The following MACF1 variants were observed in gnomAD, a reference collection of about 807,000 sequenced individuals.
MACF1 encodes microtubule-actin cross-linking factor 1.
Under a neutral mutation model 854.8 loss-of-function variants are expected in MACF1, and 193 were observed. The observed-to-expected ratio is 0.23, with a 90% CI of 0.20 to 0.25. The LOEUF (loss-of-function observed/expected upper bound fraction) is 0.25, where lower values mean the gene tolerates loss of function less well. Ranked by LOEUF, MACF1 falls within the 10% of genes least tolerant of loss-of-function variation. The probability of loss-of-function intolerance (pLI) is 1.00; values close to 1 mark genes in which losing one functional copy is unlikely to be tolerated. For synonymous variants in MACF1, 3,185 were observed against 3,226.7 expected, an observed-to-expected ratio of 0.99 and a Z score of 0.44; for missense variants, 7,722 against 8,929.1, an observed-to-expected ratio of 0.86 and a Z score of 5.45.
At chr1:39,277,193 A>G (rs1278062279) in intron 6 of MACF1, among the ~76,000 whole-genome samples, 1 of 141,876 alleles carries the variant, frequency 7.0e-6, no homozygotes, top group Admixed American at 7.0e-5. Flanking sequence ...ATGTAACTGG[A>G]CTCTTGTGGT....
intron 2 of MACF1, among the ~76,000 whole-genome samples, chr1:39,172,322 T>A (rs1643961905): frequency 1.3e-5 from 2 of 152,226 alleles, no homozygotes; most frequent in African/African-American, 2.4e-5. Context: ...ATTATAGCAG[T>A]TGAAGATGAA....
intron 26 of MACF1, among the ~76,000 whole-genome samples, chr1:39,314,652 G>A (rs1474034987): frequency 6.7e-6 from 1 of 148,802 alleles, no homozygotes; most frequent in Non-Finnish European, 1.5e-5. Flanking sequence ...CCAACCCATA[G>A]CACAGGGATT....
At chr1:39,103,410 G>A (rs1251537161) in intron 2 of MACF1, 1 of 175,882 alleles carries the variant, frequency 5.7e-6, no homozygotes, top group African/African-American at 2.4e-5. Flanking sequence ...TTGTATGCGT[G>A]ATTTCTGTCT....
intron 2 of MACF1, among the ~76,000 whole-genome samples, chr1:39,147,203 C>G (rs367649403): frequency 6.7e-6 from 1 of 149,996 alleles, no homozygotes; most frequent in African/African-American, 2.5e-5. Flanking sequence ...CGTCTCTCCT[C>G]TCCTCACCTT....
chr1:39,329,940 CA>C (rs1646688542), intron 36 of MACF1, among the ~76,000 whole-genome samples: 1 of 152,184 alleles, frequency 6.6e-6, no homozygotes, highest in Non-Finnish European at 1.5e-5. Flanking sequence ...GGAGGACAAA[CA>C]AGATTTAGAA....
At chr1:39,289,629 C>T (rs2148394824) in intron 15 of MACF1, among the ~76,000 whole-genome samples, 1 of 144,538 alleles carries the variant, frequency 6.9e-6, no homozygotes, top group South Asian at 2.2e-4. Flanking sequence ...CTTATATATT[C>T]CAGTTATTAA....
In MACF1 at chr1:39,335,146, G is replaced by A. The variant is rs750037704; in HGVS notation, c.8558G>A (p.Arg2853His). 71 of 1,613,948 alleles carry A rather than the reference G, an allele frequency of 4.4e-5. No individual in the cohort carries two copies. In the South Asian group the frequency reaches 5.4e-4, roughly 12 times the overall value. ...AAGGAATTTGGGTGCAAGGATCAAC[G>A]TAAGCCAAGAATGTCTTCAGATGCT... ...SLKEFGCKDQ[R>H]KPRMSSDAKE... Residue 2853 changes from arginine to histidine, a missense_variant, in exon 37 of 101, where the codon CGT becomes CAT. Physicochemically the swap from Arg to His is conservative, Grantham distance 29. Transcript: ENST00000564288.
chr1:39,139,992 T>G (rs901704790), intron 2 of MACF1, among the ~76,000 whole-genome samples: 7 of 151,894 alleles, frequency 4.6e-5, no homozygotes, highest in Non-Finnish European at 7.4e-5. Flanking sequence ...TCTTGGCTGT[T>G]GCACAGGCTG....
At chr1:39,424,400 C>T (rs757086123) in intron 61 of MACF1, among the ~76,000 whole-genome samples, 31 of 152,034 alleles carry the variant, frequency 2.0e-4, no homozygotes, top group Non-Finnish European at 4.6e-4. Context: ...CATAAATTTC[C>T]GAGAGCTGGA....
chr1:39,413,673 A>G (rs1384070089), intron 58 of MACF1: 2 of 1,589,172 alleles, frequency 1.3e-6, no homozygotes, highest in Non-Finnish European at 1.7e-6. Context: ...CAGCTGCTGC[A>G]GTGCCCACCC....
intron 2 of MACF1, among the ~76,000 whole-genome samples, chr1:39,086,675 C>T (rs1170681757): frequency 1.3e-5 from 2 of 152,142 alleles, no homozygotes; most frequent in East Asian, 3.8e-4. Context: ...CTGAGGAGGC[C>T]CACGGGATGA....
chr1:39,321,885 T>C (rs948113392), intron 31 of MACF1, among the ~76,000 whole-genome samples: 1 of 152,170 alleles, frequency 6.6e-6, no homozygotes, highest in African/African-American at 2.4e-5. Flanking sequence ...GTGGTCATCT[T>C]TGGGTTTTAG....
At chr1:39,427,119 A>G (rs1643753900) in intron 61 of MACF1, among the ~76,000 whole-genome samples, 1 of 152,240 alleles carries the variant, frequency 6.6e-6, no homozygotes, top group African/African-American at 2.4e-5. Context: ...GGAGAACATT[A>G]GAAGATTTGA....
In MACF1 at chr1:39,205,109, G is replaced by A. The variant is rs1267781377; in HGVS notation, c.87G>A (p.Lys29=). The change falls in exon 1 of 101, where the codon AAG becomes AAA. Residue 29 remains lysine (K), a synonymous_variant. Transcript: ENST00000564288. The part of the protein sequence containing the change: ...VLGVAGVLYW[K]RHARGRADER... ...GAGTTGCTGGTGTTCTATACTGGAA[G>A]AGGCATGCCAGAGGTAGAGCAGGTA... 4.3e-6 allele frequency: 3 copies of A among 702,898 alleles called. No individual in the cohort carries two copies. The highest frequency in any genetic ancestry group is 7.8e-6 in the Non-Finnish European group (3 of 385,018). 43.5% of individuals were successfully genotyped at this position (702,898 alleles called of 1,614,324 possible).
chr1:39,409,506 G>T lies in MACF1; in HGVS notation c.15817-12868G>T, dbSNP rs554046747. ...AGCGAGCCCCTCCGACAGACCCGCG[G>T]CCGCTGCTGCTGCCCGCCCGCCCGC... On this transcript the variant is annotated intron_variant, in intron 58 of 100. Transcript: ENST00000564288. The surrounding 1 kb of genome is among the most constrained non-coding windows in gnomAD (Gnocchi z 4.2). 1 of 152,220 alleles carries T rather than the reference G, an allele frequency of 6.6e-6. No individual in the cohort carries two copies. Among genetic ancestry groups the T allele is most frequent in the African/African-American group, 2.4e-5 (1 of 41,436 alleles). 9.4% of individuals were successfully genotyped at this position (152,220 alleles called of 1,614,324 possible).
rs668556 is a variant in MACF1, at chr1:39,448,691, G to C, written c.20186G>C (p.Ser6729Thr). 905,440 of 1,611,318 alleles carry C rather than the reference G, an allele frequency of 0.56. 261,134 individuals carry two copies. Among genetic ancestry groups the C allele is most frequent in the African/African-American group, 0.79 (58,844 of 74,880 alleles). Residue 6729 changes from serine to threonine, a missense_variant, in exon 84 of 101, where the codon AGT becomes ACT. By Grantham distance (58) the Ser-to-Thr change is moderately conservative. Coordinates refer to ENST00000564288, the MANE Select transcript of MACF1 (RefSeq NM_001394062.1). ...GAAAAGACTTTGCTTCCCGAAGATA[G>C]TCAGAAACTTGACAATTTCCTAGGA... Reference protein sequence around the residue: ...LKEKTLLPEDSQKLDNFLGEV... With the variant: ...LKEKTLLPEDTQKLDNFLGEV...
At chr1:39,407,006 A>T (rs1411313135) in intron 58 of MACF1, among the ~76,000 whole-genome samples, 2 of 152,194 alleles carry the variant, frequency 1.3e-5, no homozygotes, top group African/African-American at 4.8e-5. Flanking sequence ...TCAGATCTGT[A>T]AGCTGTCAGT....
At chr1:39,331,043 C>A in intron 36 of MACF1, 160 bp from the exon 37 acceptor site, 1 of 1,039,538 alleles carries the variant, frequency 9.6e-7, no homozygotes, top group Non-Finnish European at 1.3e-6. Context: ...TCATGATTTG[C>A]CTGCCTTGGG....
At chr1:39,123,712 G>T (rs868492758) in intron 2 of MACF1, among the ~76,000 whole-genome samples, 14,704 of 77,054 alleles carry the variant, frequency 0.19, 1,439 homozygotes, top group Admixed American at 0.26. Context: ...GCTAATTCTT[G>T]TTTTGTTTTT....
Sources: gnomAD v4.1 joint callset for allele counts (sites outside exome capture counted in the v4.1 genomes callset) on GRCh38, gnomAD v4.1.1 for gene constraint, Gnocchi (gnomAD v3.1) non-coding constraint, MANE v1.5 for transcripts, NCBI Gene and HGNC (gene_info 2026-07-23, HGNC 2026-07-21) for gene names.